The following NCKAP5 variants were observed in gnomAD, a reference collection of about 807,000 sequenced individuals.
NCKAP5 encodes the protein nck-associated protein 5.
Under a neutral mutation model 167.0 loss-of-function variants are expected in NCKAP5, and 92 were observed. The ratio of observed to expected loss-of-function variants is 0.55; its 90% CI spans 0.47 to 0.66. The LOEUF (loss-of-function observed/expected upper bound fraction) is 0.66, where lower values mean the gene tolerates loss of function less well. NCKAP5 is among the 30% of genes least tolerant of loss of function. The probability of loss-of-function intolerance (pLI) is 0.00; values close to 1 mark genes in which losing one functional copy is unlikely to be tolerated. For synonymous variants in NCKAP5, 891 were observed against 877.4 expected, an observed-to-expected ratio of 1.02 and a Z score of -0.27; for missense variants, 2,378 against 2,315.0, an observed-to-expected ratio of 1.03 and a Z score of -0.56.
chr2:132,998,320 A>C (rs1256079643), intron 6 of NCKAP5, among the ~76,000 whole-genome samples: 2 of 152,232 alleles, frequency 1.3e-5, no homozygotes, highest in African/African-American at 4.8e-5. Flanking sequence ...TTTATACTTA[A>C]AAAATAGGAA....
chr2:132,976,563 C>CAAAAAAAAAA (rs1169178217), intron 7 of NCKAP5, among the ~76,000 whole-genome samples: 1 of 51,834 alleles, frequency 1.9e-5, no homozygotes, highest in Non-Finnish European at 4.4e-5. Flanking sequence ...GACTCCATCT[C>CAAAAAAAAAA]AAAAAAAAAA....
At chr2:133,451,610 G>T (rs1691556239) in intron 3 of NCKAP5, among the ~76,000 whole-genome samples, 1 of 152,158 alleles carries the variant, frequency 6.6e-6, no homozygotes, top group Non-Finnish European at 1.5e-5. Flanking sequence ...AAGAACAGAT[G>T]ACTTTCATGT....
chr2:132,847,941 G>C (rs981202031), intron 11 of NCKAP5, among the ~76,000 whole-genome samples: 1 of 152,218 alleles, frequency 6.6e-6, no homozygotes, highest in African/African-American at 2.4e-5. Flanking sequence ...GGTGGATAAA[G>C]GAGGATGTAA....
chr2:132,783,839 A>ACTT lies in NCKAP5; in HGVS notation c.2969_2971dup (p.Glu990dup). 6.5e-7 allele frequency: 1 copy of ACTT among 1,531,412 alleles called. No homozygotes were observed. Among genetic ancestry groups the ACTT allele is most frequent in the African/African-American group, 1.4e-5 (1 of 72,222 alleles). The allele number at this position is 1,531,412 out of a possible 1,614,324, so 94.9% of individuals were successfully genotyped here. A position where few individuals can be genotyped will look rare whatever the true frequency, so the allele number is the denominator to read the frequency against. The stretch of plus-strand genomic sequence containing the variant: ...GGCCACAGAAGGTTTCTTCCTCTGC[A>ACTT]CTTCTGTCGTGGCCGGATTAGAAGA... On this transcript the variant is annotated inframe_insertion, in exon 14 of 20. Transcript: ENST00000409261.
At chr2:132,760,702 G>A (rs1450778105) in intron 16 of NCKAP5, among the ~76,000 whole-genome samples, 1 of 152,136 alleles carries the variant, frequency 6.6e-6, no homozygotes, top group Non-Finnish European at 1.5e-5. Flanking sequence ...CTTGAGAGAG[G>A]ATTTGAGATG....
chr2:133,366,428 G>A (rs747285241), intron 3 of NCKAP5, among the ~76,000 whole-genome samples: 2 of 151,954 alleles, frequency 1.3e-5, no homozygotes, highest in Non-Finnish European at 2.9e-5. Context: ...TCAACCTCCC[G>A]AGTAGCTGGG....
In NCKAP5 at chr2:132,731,828, A is replaced by G. The variant is rs17397142; in HGVS notation, c.5352T>C (p.Asp1784=). 0.15 allele frequency: 236,624 copies of G among 1,613,826 alleles called. 18,477 individuals are homozygous for G. Among genetic ancestry groups the G allele is most frequent in the East Asian group, 0.17 (7,665 of 44,848 alleles). Residue 1784 remains aspartate, a synonymous_variant, in exon 17 of 20, where the codon GAT becomes GAC. Transcript: ENST00000409261. ...PSSTDGQRPA[D]SAIVHSTSDP... Reference sequence around the variant, plus strand: ...CGGATGTGGAATGAACAATGGCGCTATCTGCAGGGCGCTGGCCGTCTGTGG... The same window carrying G: ...CGGATGTGGAATGAACAATGGCGCTGTCTGCAGGGCGCTGGCCGTCTGTGG...
chr2:132,794,218 TTATACATATATATATATATATATATA>T (rs1684310348), intron 12 of NCKAP5, among the ~76,000 whole-genome samples: 1 of 76,878 alleles, frequency 1.3e-5, no homozygotes, highest in African/African-American at 4.7e-5. Context: ...TTAAAAATGT[TTATACATATATATATATATATATATA>T]TATATATATA....
intron 11 of NCKAP5, among the ~76,000 whole-genome samples, chr2:132,856,862 G>C (rs1689510608): frequency 6.6e-6 from 1 of 152,164 alleles, no homozygotes; most frequent in Admixed American, 6.5e-5. Flanking sequence ...CACGCAGAGG[G>C]AGCACCAATT....
intron 16 of NCKAP5, among the ~76,000 whole-genome samples, chr2:132,767,003 T>A (rs1023149150): frequency 6.6e-6 from 1 of 152,338 alleles, no homozygotes; most frequent in Non-Finnish European, 1.5e-5. Flanking sequence ...CCATTATACA[T>A]GATGCTCCAA....
rs1012686839 is a variant in NCKAP5 at position 133,014,754 on chromosome 2, G to A, written c.342-20515C>T. On this transcript the variant is annotated intron_variant, in intron 6 of 19. Coordinates refer to ENST00000409261, the MANE Select transcript of NCKAP5 (RefSeq NM_207363.3). ...TCCAGTGAACTGCCCAAGCCTCTTT[G>A]GCAAATGGCGGTTTTATAGAGACTA... 5.3e-5 allele frequency among the ~76,000 whole-genome samples: 8 copies of A among 152,130 alleles called. 1 individual carries two copies. The highest frequency in any genetic ancestry group is 1.9e-4 in the African/African-American group (8 of 41,418).
At chr2:132,877,629 C>T (rs1278151908) in intron 9 of NCKAP5, among the ~76,000 whole-genome samples, 1 of 152,108 alleles carries the variant, frequency 6.6e-6, no homozygotes, top group Non-Finnish European at 1.5e-5. Flanking sequence ...CAGGGAGACT[C>T]CAAGGACTAC....
chr2:133,291,414 G>A (rs570041292), intron 4 of NCKAP5, among the ~76,000 whole-genome samples: 23 of 152,246 alleles, frequency 1.5e-4, no homozygotes, highest in East Asian at 3.9e-4. Context: ...CATTGTCCTC[G>A]TCAACAGGAG....
chr2:132,746,071 T>C (rs1050521642), intron 16 of NCKAP5, among the ~76,000 whole-genome samples: 1 of 152,032 alleles, frequency 6.6e-6, no homozygotes, highest in Non-Finnish European at 1.5e-5. Flanking sequence ...AAAAAGACGT[T>C]GACACATTGA....
At chr2:133,269,988 A>G (rs966174174) in intron 4 of NCKAP5, among the ~76,000 whole-genome samples, 9 of 152,348 alleles carry the variant, frequency 5.9e-5, no homozygotes, top group African/African-American at 1.9e-4. Flanking sequence ...TGAAGTTGCT[A>G]TTAATTGAAA....
chr2:133,527,546 G>C (rs1235211756), intron 2 of NCKAP5, among the ~76,000 whole-genome samples: 1 of 126,390 alleles, frequency 7.9e-6, no homozygotes. Flanking sequence ...TCAAGATTAA[G>C]AGATTAAACT....
intron 11 of NCKAP5, among the ~76,000 whole-genome samples, chr2:132,825,652 G>T (rs1687074365): frequency 6.6e-6 from 1 of 152,176 alleles, no homozygotes; most frequent in Admixed American, 6.5e-5. Flanking sequence ...CAAAGGAGGT[G>T]ATTGCTTGAC....
At chr2:133,255,803 C>A (rs111549725) in intron 4 of NCKAP5, among the ~76,000 whole-genome samples, 1 of 152,054 alleles carries the variant, frequency 6.6e-6, no homozygotes, top group African/African-American at 2.4e-5. Context: ...ATTCTGTCAT[C>A]GGAAGTAAAA....
At chr2:133,192,640 C>T (rs889619842) in intron 5 of NCKAP5, among the ~76,000 whole-genome samples, 2 of 151,326 alleles carry the variant, frequency 1.3e-5, no homozygotes, top group African/African-American at 2.4e-5. Context: ...CAAATAAGCA[C>T]ATAAAAGATA....
Sources: gnomAD v4.1 joint callset for allele counts (sites outside exome capture counted in the v4.1 genomes callset) on GRCh38, gnomAD v4.1.1 for gene constraint, MANE v1.5 for transcripts, NCBI Gene and HGNC (gene_info 2026-07-23, HGNC 2026-07-21) for gene names.